Variants in BMP7 observed in about 807,000 individuals in gnomAD.
BMP7 encodes the protein bone morphogenetic protein 7.
BMP7 carries 12 observed loss-of-function variants against 41.2 expected under a neutral mutation model. The ratio of observed to expected loss-of-function variants is 0.29; its 90% confidence interval spans 0.19 to 0.47. BMP7 has a LOEUF of 0.47. Among genes scored for constraint, BMP7 ranks in the 20% least tolerant of loss-of-function variants. BMP7 has a pLI of 0.99. For synonymous variants in BMP7, 248 were observed against 250.0 expected (o/e 0.99, Z 0.07); for missense variants, 467 against 606.0 (o/e 0.77, Z 2.41).
At chr20:57,239,553 C>A (rs1418063703) in intron 1 of BMP7, among the ~76,000 whole-genome samples, 1 of 152,218 alleles carries the variant, frequency 6.6e-6, no homozygotes, top group Non-Finnish European at 1.5e-5. Flanking sequence ...TCTCACAGCT[C>A]CACTATGCTG....
At chr20:57,191,180 A>G (rs1466082249) in intron 3 of BMP7, among the ~76,000 whole-genome samples, 1 of 152,200 alleles carries the variant, frequency 6.6e-6, no homozygotes, top group Non-Finnish European at 1.5e-5. Flanking sequence ...GAAGAGATTA[A>G]TGAACTTAGA....
intron 4 of BMP7, among the ~76,000 whole-genome samples, chr20:57,179,304 A>T (rs1984014303): frequency 6.6e-6 from 1 of 152,206 alleles, no homozygotes; most frequent in Non-Finnish European, 1.5e-5. Flanking sequence ...TGAGCAGGAG[A>T]CAGCCCTGAC....
intron 3 of BMP7, among the ~76,000 whole-genome samples, chr20:57,191,901 G>A (rs1167708036): frequency 3.2e-5 from 4 of 126,700 alleles, no homozygotes; most frequent in Admixed American, 8.5e-5. Flanking sequence ...AGTATAGATA[G>A]TATACATACT....
At chr20:57,203,740 T>C (rs1169959804) in intron 2 of BMP7, among the ~76,000 whole-genome samples, 1 of 152,232 alleles carries the variant, frequency 6.6e-6, no homozygotes, top group Non-Finnish European at 1.5e-5. Context: ...ACCTCTGTGT[T>C]GTACCAGAAA....
chr20:57,243,014 A>C (rs1019895923), intron 1 of BMP7, among the ~76,000 whole-genome samples: 1 of 152,092 alleles, frequency 6.6e-6, no homozygotes, highest in African/African-American at 2.4e-5. Context: ...AAAAAATAAA[A>C]TAAAATCTAA....
chr20:57,190,807 C>T (rs1052860437), intron 3 of BMP7, among the ~76,000 whole-genome samples: 10 of 152,194 alleles, frequency 6.6e-5, no homozygotes, highest in Admixed American at 1.3e-4. Flanking sequence ...CCCACTGCTC[C>T]TGCACAGAAG....
chr20:57,206,656 G>A lies in BMP7; in HGVS notation c.612-4033C>T, dbSNP rs755171104. ...GGCAAGGTTACGCCAGATAATTCCC[G>A]TGTCTTGGTTTCCTCTTATGTAAAA... On this transcript the variant is annotated intron_variant, in intron 2 of 6. Transcript: ENST00000395863. Among the ~76,000 whole-genome samples, 14 of 152,334 alleles carry A rather than the reference G, an allele frequency of 9.2e-5. No homozygotes were observed. In the South Asian group the frequency reaches 1.7e-3, roughly 18 times the overall value.
At chr20:57,182,815 A>G (rs1984115501) in intron 4 of BMP7, among the ~76,000 whole-genome samples, 1 of 152,262 alleles carries the variant, frequency 6.6e-6, no homozygotes, top group Non-Finnish European at 1.5e-5. Flanking sequence ...CGTTAACTTT[A>G]CTTATATTTA....
intron 3 of BMP7, among the ~76,000 whole-genome samples, chr20:57,190,296 T>G (rs1600732945): frequency 1.6e-5 from 2 of 126,400 alleles, no homozygotes; most frequent in Admixed American, 7.9e-5. Context: ...CCAGAGGAGG[T>G]GAGGCCAGAG....
chr20:57,260,396 C>T (rs1429527113), intron 1 of BMP7, among the ~76,000 whole-genome samples: 2 of 152,164 alleles, frequency 1.3e-5, no homozygotes, highest in Admixed American at 1.3e-4. Context: ...GTGTCTCCTC[C>T]CCGCTCCTGG....
At chr20:57,229,139 T>A (rs1274257504) in intron 1 of BMP7, among the ~76,000 whole-genome samples, 1 of 152,204 alleles carries the variant, frequency 6.6e-6, no homozygotes, top group Non-Finnish European at 1.5e-5. Context: ...ACTGCCATCT[T>A]GGCAGATTTC....
intron 2 of BMP7, chr20:57,225,743 G>T: frequency 3.3e-6 from 1 of 303,058 alleles, no homozygotes; most frequent in Non-Finnish European, 7.2e-6. Flanking sequence ...CTGAAGAATG[G>T]AGGCTTTGCT....
intron 2 of BMP7, among the ~76,000 whole-genome samples, chr20:57,222,215 G>A (rs569087216): frequency 2.0e-5 from 3 of 152,244 alleles, no homozygotes; most frequent in South Asian, 2.1e-4. Flanking sequence ...TGTTGCCATC[G>A]ATTCCCAGCC....
chr20:57,247,849 C>T (rs2066096474), intron 1 of BMP7, among the ~76,000 whole-genome samples: 2 of 152,158 alleles, frequency 1.3e-5, no homozygotes, highest in Non-Finnish European at 2.9e-5. Context: ...TGCTTCCTCC[C>T]AGGGGACAAT....
chr20:57,250,271 A>AAT (rs10622992), intron 1 of BMP7, among the ~76,000 whole-genome samples: 25,170 of 142,206 alleles, frequency 0.18, 2,228 homozygotes, highest in Admixed American at 0.25. Flanking sequence ...TTTCTACAAA[A>AAT]ATATATATAG....
intron 3 of BMP7, among the ~76,000 whole-genome samples, chr20:57,190,756 CCAACAAGCT>C (rs1194559451): frequency 6.6e-6 from 1 of 152,170 alleles, no homozygotes; most frequent in African/African-American, 2.4e-5. Context: ...CCCTCCTCCT[CCAACAAGCT>C]CAACAACTTA....
intron 1 of BMP7, among the ~76,000 whole-genome samples, chr20:57,240,054 G>A (rs574040933): frequency 6.6e-6 from 1 of 152,340 alleles, no homozygotes; most frequent in African/African-American, 2.4e-5. Context: ...GCAAATTTCT[G>A]TAGCCAGCTT....
In BMP7 at chr20:57,266,372, C is replaced by T. The variant is rs901038124; in HGVS notation, c.-250G>A. 1.6e-5 allele frequency: 4 copies of T among 243,442 alleles called. No individual in the cohort carries two copies. Among genetic ancestry groups the T allele is most frequent in the African/African-American group, 9.2e-5 (4 of 43,706 alleles). The allele number at this position is 243,442 out of a possible 1,614,324, so 15.1% of individuals were successfully genotyped here. On this transcript the variant is annotated 5_prime_UTR_variant, in exon 1 of 7. Coordinates refer to ENST00000395863, the MANE Select transcript of BMP7 (RefSeq NM_001719.3). ...CACCGCAGGGCTTGGAAAGCAGCCCCGGCGAACGAAAAGGCGAGTGAGGAG... is the reference window on the plus strand; with the variant it reads ...CACCGCAGGGCTTGGAAAGCAGCCCTGGCGAACGAAAAGGCGAGTGAGGAG...
chr20:57,246,625 G>T (rs1182566045), intron 1 of BMP7, among the ~76,000 whole-genome samples: 1 of 152,182 alleles, frequency 6.6e-6, no homozygotes, highest in Non-Finnish European at 1.5e-5. Flanking sequence ...TATCTGCTCT[G>T]TAAAATAGGG....
Sources: gnomAD v4.1 joint callset for allele counts (sites outside exome capture counted in the v4.1 genomes callset) on GRCh38, gnomAD v4.1.1 for gene constraint, MANE v1.5 for transcripts, NCBI Gene and HGNC (gene_info 2026-07-23, HGNC 2026-07-21) for gene names.